ARHGAP12: variants seen among roughly 807,000 people sequenced by gnomAD.
ARHGAP12 encodes rho GTPase-activating protein 12.
Under a neutral mutation model 108.6 loss-of-function variants are expected in ARHGAP12, and 64 were observed. That is an observed-to-expected ratio of 0.59 (90% CI 0.48 to 0.73). The LOEUF is 0.73. Among genes scored for constraint, ARHGAP12 ranks in the 30% least tolerant of loss-of-function variants. The probability of loss-of-function intolerance (pLI) is 0.00; values close to 1 mark genes in which losing one functional copy is unlikely to be tolerated. For missense variants in ARHGAP12, 940 were observed against 1,005.9 expected (o/e 0.93, Z 0.89); for synonymous variants, 312 against 337.2 (o/e 0.93, Z 0.82).
chr10:31,835,729 A>T (rs1171790481), intron 9 of ARHGAP12, among the ~76,000 whole-genome samples: 1 of 152,230 alleles, frequency 6.6e-6, no homozygotes, highest in East Asian at 1.9e-4. Flanking sequence ...TAGAATAAGT[A>T]AACTTGCACA....
At chr10:31,821,592 C>T (rs1210482608) in intron 11 of ARHGAP12, among the ~76,000 whole-genome samples, 1 of 152,142 alleles carries the variant, frequency 6.6e-6, no homozygotes, top group Non-Finnish European at 1.5e-5. Flanking sequence ...AACTTATTCA[C>T]TATTTGTAAT....
chr10:31,832,009 C>T (rs1328053620), intron 9 of ARHGAP12, among the ~76,000 whole-genome samples: 1 of 152,190 alleles, frequency 6.6e-6, no homozygotes, highest in Non-Finnish European at 1.5e-5. Context: ...TAATTAAACA[C>T]TTCTTTTTCT....
intron 3 of ARHGAP12, among the ~76,000 whole-genome samples, chr10:31,868,354 A>C (rs377470490): frequency 2.6e-5 from 4 of 152,124 alleles, no homozygotes; most frequent in Admixed American, 2.6e-4. Context: ...TTCTCTGGAT[A>C]TTAGTATTAT....
chr10:31,903,426 T>C (rs531119260), intron 3 of ARHGAP12, among the ~76,000 whole-genome samples: 5 of 152,244 alleles, frequency 3.3e-5, no homozygotes, highest in East Asian at 1.9e-4. Flanking sequence ...CACACACACA[T>C]ACACAACCTT....
chr10:31,846,809 C>T (rs1836475435), intron 6 of ARHGAP12, among the ~76,000 whole-genome samples: 2 of 151,372 alleles, frequency 1.3e-5, no homozygotes, highest in Non-Finnish European at 3.0e-5. Context: ...TATCTTTCTG[C>T]CTCACACTCT....
At chr10:31,820,580 A>T (rs1835373320) in intron 11 of ARHGAP12, 92 bp from the exon 12 acceptor site, 2 of 642,440 alleles carry the variant, frequency 3.1e-6, no homozygotes, top group South Asian at 6.9e-5. Context: ...ATTAACAATA[A>T]ATCAAATAGA....
chr10:31,905,234 T>C (rs577558467), intron 3 of ARHGAP12, among the ~76,000 whole-genome samples: 12 of 152,346 alleles, frequency 7.9e-5, no homozygotes, highest in African/African-American at 2.9e-4. Flanking sequence ...GATAATTGTA[T>C]AAATTATGTA....
intron 9 of ARHGAP12, 21 bp from the exon 10 acceptor site, chr10:31,831,821 G>A (rs564420883): frequency 1.4e-6 from 2 of 1,452,040 alleles, no homozygotes; most frequent in Non-Finnish European, 1.9e-6. Context: ...GAGTAATACT[G>A]TTTATACAAT....
At chr10:31,923,294 T>A (rs939145368) in intron 1 of ARHGAP12, among the ~76,000 whole-genome samples, 1 of 152,138 alleles carries the variant, frequency 6.6e-6, no homozygotes, top group Non-Finnish European at 1.5e-5. Context: ...TCTCACAGAA[T>A]GGCTAAGTCA....
intron 4 of ARHGAP12, among the ~76,000 whole-genome samples, chr10:31,855,997 T>C (rs1836872593): frequency 1.3e-5 from 2 of 152,276 alleles, no homozygotes; most frequent in South Asian, 4.1e-4. Context: ...AACTATTCTA[T>C]ACCTAATAAC....
chr10:31,857,530 C>T (rs1417594482), intron 4 of ARHGAP12, among the ~76,000 whole-genome samples: 1 of 152,136 alleles, frequency 6.6e-6, no homozygotes, highest in Non-Finnish European at 1.5e-5. Context: ...TATTCAGATA[C>T]AGCTAAGAAT....
chr10:31,856,448 T>C (rs761425072), intron 4 of ARHGAP12, among the ~76,000 whole-genome samples: 3 of 152,156 alleles, frequency 2.0e-5, no homozygotes, highest in Non-Finnish European at 2.9e-5. Flanking sequence ...CCACAAATTA[T>C]GGGTGAACCA....
intron 11 of ARHGAP12, among the ~76,000 whole-genome samples, chr10:31,825,876 A>G (rs1835586064): frequency 1.3e-5 from 2 of 152,186 alleles, no homozygotes; most frequent in Admixed American, 1.3e-4. Flanking sequence ...CAATCCAGAC[A>G]CTGACACCTC....
intron 3 of ARHGAP12, among the ~76,000 whole-genome samples, chr10:31,888,791 CAG>C (rs1370836547): frequency 2.2e-4 from 33 of 151,836 alleles, no homozygotes; most frequent in African/African-American, 7.2e-4. Context: ...TAAAAGCACA[CAG>C]AGTTTAGGAA....
At chr10:31,854,866 C>T (rs1383238120) in intron 4 of ARHGAP12, among the ~76,000 whole-genome samples, 1 of 150,724 alleles carries the variant, frequency 6.6e-6, no homozygotes, top group African/African-American at 2.4e-5. Context: ...CGGTGGCTCA[C>T]GTCTGTAATC....
intron 3 of ARHGAP12, among the ~76,000 whole-genome samples, chr10:31,871,719 T>C (rs1328598322): frequency 6.6e-6 from 1 of 152,200 alleles, no homozygotes; most frequent in Non-Finnish European, 1.5e-5. Flanking sequence ...TGCCATGCTA[T>C]AAACTACAAC....
intron 3 of ARHGAP12, among the ~76,000 whole-genome samples, chr10:31,871,915 C>A (rs771152336): frequency 1.5e-4 from 23 of 152,186 alleles, no homozygotes; most frequent in Admixed American, 3.3e-4. Context: ...ATTTCCCCTT[C>A]AAGATAGAGC....
In ARHGAP12 at chr10:31,854,183, G is replaced by A. The variant is rs1245576803; in HGVS notation, c.972C>T (p.Tyr324=). Residue 324 remains tyrosine, a synonymous_variant, in exon 5 of 20, where the codon TAC becomes TAT. Coordinates refer to ENST00000344936, the MANE Select transcript of ARHGAP12 (RefSeq NM_018287.7). ...DQELLSSEEN[Y]YSTSYSQSDS... is the part of the protein sequence containing the mutation. ...CTGACTGGCTGTAAGAAGTGCTGTA[G>A]TAGTTTTCTTCCGATGAAAGAAGCT... 1.2e-6 allele frequency: 2 copies of A among 1,609,120 alleles called. No homozygotes were observed. Among genetic ancestry groups the A allele is most frequent in the Non-Finnish European group, 1.7e-6 (2 of 1,178,706 alleles).
chr10:31,866,271 A>T (rs1448668626), intron 3 of ARHGAP12, among the ~76,000 whole-genome samples: 1 of 152,224 alleles, frequency 6.6e-6, no homozygotes, highest in Non-Finnish European at 1.5e-5. Context: ...GAATCACTCA[A>T]TTCAGCAATT....
Sources: gnomAD v4.1 joint callset for allele counts (sites outside exome capture counted in the v4.1 genomes callset) on GRCh38, gnomAD v4.1.1 for gene constraint, MANE v1.5 for transcripts, NCBI Gene and HGNC (gene_info 2026-07-23, HGNC 2026-07-21) for gene names.